Variants in IMMP2L observed in about 807,000 individuals in gnomAD.
IMMP2L encodes mitochondrial inner membrane protease subunit 2.
Under a neutral mutation model 19.3 loss-of-function variants are expected in IMMP2L, and 18 were observed. That is an observed-to-expected ratio of 0.93 (90% CI 0.64 to 1.38). IMMP2L has a LOEUF of 1.38. Among genes scored for constraint, IMMP2L ranks in the 40% most tolerant of loss-of-function variants. The probability of loss-of-function intolerance (pLI) is 0.00; values close to 1 mark genes in which losing one functional copy is unlikely to be tolerated. For missense variants in IMMP2L, 233 were observed against 218.2 expected, an observed-to-expected ratio of 1.07 and a Z score of -0.43; for synonymous variants, 76 against 73.0, an observed-to-expected ratio of 1.04 and a Z score of -0.21.
chr7:111,217,547 C>A (rs1432331284), intron 3 of IMMP2L, among the ~76,000 whole-genome samples: 4 of 152,074 alleles, frequency 2.6e-5, no homozygotes. Context: ...CTAGGATATA[C>A]TGTAAGCAAA....
At chr7:111,535,241 T>C (rs1167592214) in intron 1 of IMMP2L, among the ~76,000 whole-genome samples, 9 of 148,664 alleles carry the variant, frequency 6.1e-5, no homozygotes, top group Admixed American at 5.4e-4. Flanking sequence ...CTGAGTAAAA[T>C]GCAGTAAGGT....
chr7:111,216,438 C>T (rs1045874412), intron 3 of IMMP2L, among the ~76,000 whole-genome samples: 1 of 152,018 alleles, frequency 6.6e-6, no homozygotes, highest in Non-Finnish European at 1.5e-5. Flanking sequence ...AAATTTATGG[C>T]GTACAAAGTG....
chr7:111,016,773 CATATATAATATATACTATATA>C, intron 3 of IMMP2L, among the ~76,000 whole-genome samples: 2 of 79,910 alleles, frequency 2.5e-5, no homozygotes, highest in South Asian at 7.3e-4. Flanking sequence ...TTTATATATG[CATATATAATATATACTATATA>C]ATATATAATA....
intron 4 of IMMP2L, among the ~76,000 whole-genome samples, chr7:110,936,929 T>C (rs1816182859): frequency 6.6e-6 from 1 of 152,136 alleles, no homozygotes; most frequent in Non-Finnish European, 1.5e-5. Context: ...ACCATCATTC[T>C]CAGCAAACTA....
chr7:111,336,461 C>A (rs1010397412), intron 3 of IMMP2L, among the ~76,000 whole-genome samples: 18 of 151,956 alleles, frequency 1.2e-4, no homozygotes, highest in African/African-American at 4.8e-5. Flanking sequence ...GTAGTCTCAA[C>A]CATATTTTTA....
At chr7:110,942,577 G>C (rs1013073867) in intron 4 of IMMP2L, among the ~76,000 whole-genome samples, 4 of 151,692 alleles carry the variant, frequency 2.6e-5, no homozygotes, top group East Asian at 1.9e-4. Context: ...TAAAAGGCAA[G>C]GGGTGAGGAA....
intron 2 of IMMP2L, among the ~76,000 whole-genome samples, chr7:111,502,078 T>C (rs2132451618): frequency 6.6e-6 from 1 of 152,126 alleles, no homozygotes; most frequent in South Asian, 2.1e-4. Context: ...GAAACCCATC[T>C]CACGTGCAGA....
At chr7:111,341,454 C>T (rs116214185) in intron 3 of IMMP2L, among the ~76,000 whole-genome samples, 3,271 of 152,080 alleles carry the variant, frequency 0.022, 123 homozygotes, top group African/African-American at 0.075. Context: ...TGAATTTGTA[C>T]GTGTATATAT....
chr7:111,045,268 A>G (rs980044374), intron 3 of IMMP2L, among the ~76,000 whole-genome samples: 1 of 152,188 alleles, frequency 6.6e-6, no homozygotes, highest in Non-Finnish European at 1.5e-5. Context: ...TCAATCCATT[A>G]GTAAATTCTA....
intron 5 of IMMP2L, among the ~76,000 whole-genome samples, chr7:110,773,587 G>C (rs1562966873): frequency 1.3e-5 from 2 of 152,092 alleles, no homozygotes; most frequent in Non-Finnish European, 2.9e-5. Flanking sequence ...AATTTTCCTT[G>C]GACTGTATTT....
At chr7:111,006,360 C>T (rs989487443) in intron 3 of IMMP2L, among the ~76,000 whole-genome samples, 3 of 152,018 alleles carry the variant, frequency 2.0e-5, no homozygotes, top group Admixed American at 1.3e-4. Flanking sequence ...ATTATTTGGC[C>T]TCTGTATTTT....
chr7:110,900,517 G>C (rs2129547167), intron 4 of IMMP2L, among the ~76,000 whole-genome samples: 1 of 152,138 alleles, frequency 6.6e-6, no homozygotes, highest in East Asian at 1.9e-4. Context: ...TCCATCTTTA[G>C]TCATTCTCCA....
intron 5 of IMMP2L, among the ~76,000 whole-genome samples, chr7:110,813,459 G>C (rs967389307): frequency 2.0e-5 from 3 of 148,842 alleles, no homozygotes; most frequent in Non-Finnish European, 4.5e-5. Context: ...ACAGGGTCTT[G>C]CTCTGTCAGC....
chr7:111,343,498 C>A (rs1453124530), intron 3 of IMMP2L, among the ~76,000 whole-genome samples: 2 of 152,022 alleles, frequency 1.3e-5, no homozygotes, highest in East Asian at 3.9e-4. Flanking sequence ...GACATTCACC[C>A]AGAATCCTTT....
intron 1 of IMMP2L, among the ~76,000 whole-genome samples, chr7:111,539,283 G>A (rs1294880217): frequency 3.3e-5 from 5 of 151,248 alleles, no homozygotes; most frequent in African/African-American, 7.3e-5. Context: ...AACATACGTC[G>A]ATTACTACAT....
chr7:111,451,517 T>A (rs1468601483), intron 3 of IMMP2L, among the ~76,000 whole-genome samples: 1 of 125,504 alleles, frequency 8.0e-6, no homozygotes, highest in Non-Finnish European at 1.6e-5. Context: ...AACAATGAGA[T>A]CACATGGACA....
rs775412142 is a variant in IMMP2L at position 110,956,829 on chromosome 7, A to G, written c.305+6671T>C. Among the ~76,000 whole-genome samples, 3 of 152,088 alleles carry G rather than the reference A, an allele frequency of 2.0e-5. No individual in the cohort carries two copies. In the South Asian group the frequency reaches 6.2e-4, roughly 32 times the overall value. On this transcript the variant is annotated intron_variant, in intron 4 of 5. Transcript: ENST00000405709. ...GAGAAGATCTATGAAACAGAAATAC[A>G]AGTGTCCCAATAAAAATGTTGATGC...
intron 5 of IMMP2L, among the ~76,000 whole-genome samples, chr7:110,843,244 C>T (rs1342084393): frequency 3.3e-5 from 5 of 151,820 alleles, no homozygotes; most frequent in African/African-American, 1.2e-4. Context: ...TGAAGAAATC[C>T]AAAAATGGTA....
intron 3 of IMMP2L, among the ~76,000 whole-genome samples, chr7:111,108,691 TA>T (rs931377344): frequency 1.3e-5 from 2 of 151,858 alleles, no homozygotes; most frequent in Non-Finnish European, 2.9e-5. Flanking sequence ...CTCCTGAATT[TA>T]AAAAAAACAT....
Sources: allele counts gnomAD v4.1 joint callset (sites outside exome capture counted in the v4.1 genomes callset), GRCh38; gene constraint gnomAD v4.1.1; transcripts MANE v1.5; gene names NCBI Gene and HGNC (gene_info 2026-07-23, HGNC 2026-07-21).